The following DGKG variants were observed in gnomAD, a reference collection of about 807,000 sequenced individuals.
DGKG encodes the protein DAG kinase gamma.
DGKG carries 78 observed loss-of-function variants against 105.3 expected under a neutral mutation model. That is an observed-to-expected ratio of 0.74 (90% CI 0.62 to 0.89). The LOEUF (loss-of-function observed/expected upper bound fraction) is 0.89. Ranked by LOEUF, DGKG falls within the 40% of genes least tolerant of loss-of-function variation. The pLI, the probability that DGKG is intolerant of heterozygous loss-of-function variation, is 0.00. For missense variants in DGKG, 958 were observed against 1,020.1 expected, an observed-to-expected ratio of 0.94 and a Z score of 0.83; for synonymous variants, 346 against 367.1, an observed-to-expected ratio of 0.94 and a Z score of 0.66.
chr3:186,194,774 T>A (rs1298967980), intron 21 of DGKG, among the ~76,000 whole-genome samples: 2 of 132,076 alleles, frequency 1.5e-5, no homozygotes, highest in Non-Finnish European at 3.1e-5. Context: ...GTCCCTCCCA[T>A]CTTCCACGAC....
chr3:186,279,743 G>C, intron 9 of DGKG, 108 bp downstream of exon 9: 2 of 1,337,846 alleles, frequency 1.5e-6, no homozygotes, highest in Non-Finnish European at 2.0e-6. Context: ...GTCATGGCAC[G>C]TCTGTTGGGC....
chr3:186,232,384 G>C (rs147986818), intron 20 of DGKG, among the ~76,000 whole-genome samples: 5 of 152,134 alleles, frequency 3.3e-5, no homozygotes, highest in Non-Finnish European at 7.3e-5. Context: ...ATGTTATAGC[G>C]CTGAGTGTTT....
chr3:186,360,873 A>T (rs897567374), intron 1 of DGKG, among the ~76,000 whole-genome samples: 1 of 152,222 alleles, frequency 6.6e-6, no homozygotes, highest in African/African-American at 2.4e-5. Context: ...CCCAAAATAA[A>T]GGAATGACAA....
chr3:186,207,480 A>C, intron 21 of DGKG: 1 of 985,470 alleles, frequency 1.0e-6, no homozygotes, highest in Non-Finnish European at 1.2e-6. Flanking sequence ...CCTGCCACTT[A>C]GGGCTGCTTT....
chr3:186,194,353 C>T (rs960735888), intron 21 of DGKG, among the ~76,000 whole-genome samples: 5 of 152,246 alleles, frequency 3.3e-5, no homozygotes, highest in Admixed American at 6.5e-5. Flanking sequence ...CCAAGAGGGA[C>T]CCGGAGCACC....
At chr3:186,264,011 G>A (rs1721917839) in intron 14 of DGKG, among the ~76,000 whole-genome samples, 1 of 152,240 alleles carries the variant, frequency 6.6e-6, no homozygotes, top group Non-Finnish European at 1.5e-5. Context: ...CTTGGAGGCT[G>A]AGGAATAAAC....
intron 24 of DGKG, among the ~76,000 whole-genome samples, 156 bp from the exon 25 acceptor site, chr3:186,150,344 A>G (rs527484675): frequency 6.6e-6 from 1 of 152,094 alleles, no homozygotes; most frequent in East Asian, 1.9e-4. Flanking sequence ...TGGCAACTTG[A>G]CCCTGACTGG....
intron 1 of DGKG, among the ~76,000 whole-genome samples, chr3:186,353,690 A>C (rs1726762015): frequency 7.8e-6 from 1 of 128,660 alleles, no homozygotes; most frequent in Admixed American, 7.7e-5. Flanking sequence ...ATCTATATCT[A>C]TATCTATATC....
intron 9 of DGKG, among the ~76,000 whole-genome samples, chr3:186,276,313 C>T (rs1211325269): frequency 6.6e-6 from 1 of 152,098 alleles, no homozygotes; most frequent in African/African-American, 2.4e-5. Flanking sequence ...AAACAGAATG[C>T]CATTTCGATG....
chr3:186,170,483 G>A (rs1219859439), intron 22 of DGKG, among the ~76,000 whole-genome samples: 1 of 152,214 alleles, frequency 6.6e-6, no homozygotes, highest in Non-Finnish European at 1.5e-5. Context: ...AGATTCTGAG[G>A]CGTACTTAAG....
chr3:186,289,068 G>A (rs1723197912), intron 5 of DGKG, among the ~76,000 whole-genome samples, 188 bp from the exon 6 acceptor site: 1 of 152,172 alleles, frequency 6.6e-6, no homozygotes, highest in Admixed American at 6.5e-5. Flanking sequence ...CATATTCTCT[G>A]AAGGGATCCC....
intron 21 of DGKG, among the ~76,000 whole-genome samples, chr3:186,209,097 T>A (rs932941088): frequency 6.9e-6 from 1 of 144,412 alleles, no homozygotes; most frequent in Non-Finnish European, 1.5e-5. Context: ...ACTCTTCTTT[T>A]TTTTTTTTTT....
At chr3:186,353,630 A>C (rs936415156) in intron 1 of DGKG, among the ~76,000 whole-genome samples, 217 of 134,536 alleles carry the variant, frequency 1.6e-3, no homozygotes, top group African/African-American at 6.1e-3. Flanking sequence ...CTCTCTATCT[A>C]TATCTATATC....
intron 24 of DGKG, among the ~76,000 whole-genome samples, chr3:186,153,933 C>T (rs1715897808): frequency 1.3e-5 from 2 of 152,100 alleles, no homozygotes; most frequent in African/African-American, 4.8e-5. Flanking sequence ...GGTGAAACTT[C>T]GTCTCTACAA....
intron 24 of DGKG, chr3:186,160,845 T>C (rs1328043647): frequency 1.0e-6 from 1 of 985,262 alleles, no homozygotes; most frequent in African/African-American, 1.7e-5. Context: ...GAAGGAAGGA[T>C]GCATGGCTCC....
chr3:186,160,403 T>C (rs1560075627), intron 24 of DGKG: 7 of 985,360 alleles, frequency 7.1e-6, no homozygotes, highest in Non-Finnish European at 7.2e-6. Flanking sequence ...TTCCATCAAA[T>C]GATAAATAGT....
chr3:186,350,323 A>G (rs900563812), intron 1 of DGKG, among the ~76,000 whole-genome samples: 1 of 152,190 alleles, frequency 6.6e-6, no homozygotes, highest in African/African-American at 2.4e-5. Context: ...TAAGTACCTC[A>G]TATGAGTGGA....
At chr3:186,283,131 A>T (rs1722904895) in intron 7 of DGKG, among the ~76,000 whole-genome samples, 1 of 151,866 alleles carries the variant, frequency 6.6e-6, no homozygotes, top group African/African-American at 2.4e-5. Context: ...CTGGGCTCGA[A>T]CTCCTGACCT....
intron 20 of DGKG, among the ~76,000 whole-genome samples, chr3:186,223,591 T>A (rs1332670855): frequency 6.6e-6 from 1 of 152,038 alleles, no homozygotes; most frequent in Non-Finnish European, 1.5e-5. Context: ...TCTTCCCTAT[T>A]CCATCTTCTT....
Sources: allele counts gnomAD v4.1 joint callset (sites outside exome capture counted in the v4.1 genomes callset), GRCh38; gene constraint gnomAD v4.1.1; transcripts MANE v1.5; gene names NCBI Gene and HGNC (gene_info 2026-07-23, HGNC 2026-07-21).